The following UBE2O variants were observed in gnomAD, a reference collection of about 807,000 sequenced individuals.
UBE2O encodes the protein ubiquitin conjugating enzyme E2 O, also known as (E3-independent) E2 ubiquitin-conjugating enzyme.
In UBE2O, 15 loss-of-function variants were observed where a neutral mutation model predicts 125.8. The observed-to-expected ratio is 0.12, with a 90% CI of 0.08 to 0.18. The LOEUF is 0.18. UBE2O is among the 10% of genes least tolerant of loss of function. The pLI is 1.00. For synonymous variants in UBE2O, 708 were observed against 703.2 expected (o/e 1.01, Z -0.11); for missense variants, 1,280 against 1,723.6 (o/e 0.74, Z 4.56).
In UBE2O at chr17:76,390,914, G is replaced by C. The variant is rs367812947; in HGVS notation, c.*29C>G. ...GCAGGCGGCGGCTGGCCTCTCCCAC[G>C]GTGATGCTCTTTCCTCTGTGCCTGG... is the stretch of plus-strand genomic sequence containing the variant. On this transcript the variant is annotated 3_prime_UTR_variant, in exon 18 of 18. Coordinates refer to ENST00000319380, the MANE Select transcript of UBE2O (RefSeq NM_022066.4). 2 of 1,564,104 alleles carry C rather than the reference G, an allele frequency of 1.3e-6. No homozygotes were observed. Among genetic ancestry groups the C allele is most frequent in the Admixed American group, 3.6e-5 (2 of 54,992 alleles).
chr17:76,407,261 C>A (rs2143739868), intron 1 of UBE2O, among the ~76,000 whole-genome samples: 1 of 152,324 alleles, frequency 6.6e-6, no homozygotes, highest in South Asian at 2.1e-4. Flanking sequence ...AAAGGTCAGG[C>A]TCTCCTTATC....
intron 1 of UBE2O, among the ~76,000 whole-genome samples, chr17:76,440,073 C>G (rs1381657437): frequency 1.3e-5 from 2 of 152,076 alleles, no homozygotes; most frequent in African/African-American, 2.4e-5. Context: ...CGGCTGGGGA[C>G]AGTAAACAGG....
At chr17:76,424,091 G>C (rs1314164585) in intron 1 of UBE2O, among the ~76,000 whole-genome samples, 13 of 151,648 alleles carry the variant, frequency 8.6e-5, no homozygotes, top group African/African-American at 3.1e-4. Context: ...TGTATTTTTA[G>C]TAGAGACGGG....
Position 76,438,380 on chromosome 17 carries a change from G to C in UBE2O, c.417+14345C>G, listed in dbSNP as rs190488964. ...TACAATTAAAAAAGAAAAACTTAAA[G>C]GCTCCTCGTCGCTCTTCTGATCACC... On this transcript the variant is annotated intron_variant, in intron 1 of 17. Transcript: ENST00000319380. 5.3e-5 allele frequency among the ~76,000 whole-genome samples: 8 copies of C among 151,964 alleles called. No individual in the cohort carries two copies. In the East Asian group the frequency reaches 1.5e-3, roughly 29 times the overall value.
Position 76,405,704 on chromosome 17 carries a change from G to A in UBE2O, c.418-132C>T, listed in dbSNP as rs1332256366. 3 of 801,832 alleles carry A rather than the reference G, an allele frequency of 3.7e-6. No homozygotes were observed. Among genetic ancestry groups the A allele is most frequent in the African/African-American group, 3.4e-5 (2 of 58,160 alleles). The allele number at this position is 801,832 out of a possible 1,614,324, so 49.7% of individuals were successfully genotyped here. On this transcript the variant is annotated intron_variant, in intron 1 of 17. Coordinates refer to ENST00000319380, the MANE Select transcript of UBE2O (RefSeq NM_022066.4). The surrounding 1 kb of genome is among the most constrained non-coding windows in gnomAD (Gnocchi z 6.1). ...ACAAATCCTAAGCGTTTGGCTAGCA[G>A]TATCTTCACAGACCGCACACACCTC...
In UBE2O at chr17:76,410,009, C is replaced by T. The variant is rs1306223402; in HGVS notation, c.418-4437G>A. Among the ~76,000 whole-genome samples the T allele has an allele frequency of 2.6e-5, 4 of 152,156 alleles. No individual in the cohort carries two copies. In the Middle Eastern group the frequency reaches 0.01, roughly 388 times the overall value. On this transcript the variant is annotated intron_variant, in intron 1 of 17. Coordinates refer to ENST00000319380, the MANE Select transcript of UBE2O (RefSeq NM_022066.4). The surrounding 1 kb of genome is among the most constrained non-coding windows in gnomAD (Gnocchi z 4.0). ...TCCGAGGTGATGCTGAACCAGAGAT[C>T]GGGATGAGATGGGGAATGAGCTTAC...
chr17:76,431,038 G>T, intron 1 of UBE2O: 2 of 203,902 alleles, frequency 9.8e-6, no homozygotes, highest in South Asian at 1.5e-4. Flanking sequence ...TCAGGTGCTT[G>T]ATCTTTAGTT....
chr17:76,414,952 G>A (rs1467898491), intron 1 of UBE2O, among the ~76,000 whole-genome samples: 2 of 152,158 alleles, frequency 1.3e-5, no homozygotes, highest in East Asian at 3.9e-4. Context: ...GCATCTTTAG[G>A]AGAAGGCCGC....
At position 76,452,710 on chromosome 17, in the gene UBE2O, C is replaced by T. The variant is rs754757335; in HGVS notation, c.417+15G>A. On this transcript the variant is annotated intron_variant, in intron 1 of 17. Coordinates refer to ENST00000319380, the MANE Select transcript of UBE2O (RefSeq NM_022066.4). The surrounding 1 kb of genome is among the most constrained non-coding windows in gnomAD (Gnocchi z 4.4). ...CCCCCTGCCGCCCGCGCCGCCCAGC[C>T]CCCGCCCGCCGCACCTTGGTCTCCT... The T allele has an allele frequency of 1.2e-5, 16 of 1,384,910 alleles. No individual in the cohort carries two copies. In the South Asian group the frequency reaches 2.2e-4, roughly 19 times the overall value. The allele number at this position is 1,384,910 out of a possible 1,614,324, so 85.8% of individuals were successfully genotyped here.
In UBE2O at chr17:76,452,871, C is replaced by T. The variant is rs2073280155; in HGVS notation, c.271G>A (p.Gly91Ser). The T allele has an allele frequency of 4.7e-6, 7 of 1,504,168 alleles. No homozygotes were observed. The highest frequency in any genetic ancestry group is 6.2e-6 in the Non-Finnish European group (7 of 1,126,338). The allele number at this position is 1,504,168 out of a possible 1,614,324, so 93.2% of individuals were successfully genotyped here. A position where few individuals can be genotyped will look rare whatever the true frequency, so the allele number is the denominator to read the frequency against. ...GAGCTCCCGCGGCCCTCCTCCTCGCCCTCCGAGTCCGAGTCCTCGCCGTGG... is the reference window on the plus strand; with the variant it reads ...GAGCTCCCGCGGCCCTCCTCCTCGCTCTCCGAGTCCGAGTCCTCGCCGTGG... ...LIHGEDSDSE[G>S]EEEGRGSSGC... The change falls in exon 1 of 18, where the codon GGC becomes AGC. Residue 91 changes from glycine to serine, a missense_variant. Gly to Ser is a moderately conservative substitution (Grantham distance 56, BLOSUM62 0). Transcript: ENST00000319380. This position sits in a 1 kb window ranked among gnomAD's most constrained non-coding sequence, Gnocchi z 4.4.
Position 76,400,220 on chromosome 17 carries a change from A to G in UBE2O, c.1082T>C (p.Val361Ala). 1.2e-6 allele frequency: 2 copies of G among 1,613,866 alleles called. No homozygotes were observed. The highest frequency in any genetic ancestry group is 1.1e-5 in the South Asian group (1 of 91,070). The change falls in exon 8 of 18, where the codon GTA becomes GCA. Residue 361 changes from valine to alanine, a missense_variant. Val to Ala is a moderately conservative substitution (Grantham distance 64). Transcript: ENST00000319380. This position sits in a 1 kb window ranked among gnomAD's most constrained non-coding sequence, Gnocchi z 4.3. ...TTCCCAGGCAATCTTGGCTGGCTCT[A>G]CCTTGGCTGGGAAGACATACAGACA... ...ERCLYVFPAK[V>A]EPAKIAWECP...
At chr17:76,434,965 A>G (rs1479090242) in intron 1 of UBE2O, among the ~76,000 whole-genome samples, 4 of 152,076 alleles carry the variant, frequency 2.6e-5, no homozygotes, top group African/African-American at 9.6e-5. Flanking sequence ...GGATTCCTAC[A>G]CTATCCCCAA....
intron 1 of UBE2O, among the ~76,000 whole-genome samples, chr17:76,406,571 C>T (rs1198304207): frequency 6.7e-6 from 1 of 148,456 alleles, no homozygotes; most frequent in Non-Finnish European, 1.5e-5. Context: ...GCAATGACAA[C>T]TAAAACAAAC....
rs758674294 is a variant in UBE2O, at chr17:76,402,134, CAG to C, written c.687-9_687-8del. ...TTCCGTGTTCATGGAGCACCTAAAACAGAGAACAGAGGTTTGGTCTCCACCAG... is the reference window on the plus strand; with the variant it reads ...TTCCGTGTTCATGGAGCACCTAAAACAGAACAGAGGTTTGGTCTCCACCAG... On this transcript the variant is annotated splice_region_variant and splice_polypyrimidine_tract_variant and intron_variant, in intron 4 of 17. Coordinates refer to ENST00000319380, the MANE Select transcript of UBE2O (RefSeq NM_022066.4). The surrounding 1 kb of genome is among the most constrained non-coding windows in gnomAD (Gnocchi z 5.4). 1,128 of 1,613,230 alleles carry C rather than the reference CAG, an allele frequency of 7.0e-4. 1 individual carries two copies. The highest frequency in any genetic ancestry group is 3.6e-3 in the Middle Eastern group (22 of 6,060).
At chr17:76,423,881 C>T (rs1484809330) in intron 1 of UBE2O, among the ~76,000 whole-genome samples, 2 of 143,412 alleles carry the variant, frequency 1.4e-5, no homozygotes, top group African/African-American at 5.1e-5. Context: ...CTCTCAGCTA[C>T]TTCCAGGTTG....
intron 1 of UBE2O, among the ~76,000 whole-genome samples, chr17:76,411,300 C>T (rs1020077844): frequency 6.6e-6 from 1 of 152,202 alleles, no homozygotes; most frequent in African/African-American, 2.4e-5. Flanking sequence ...GCCGCTCCAC[C>T]TGGCCAAGAA....
intron 1 of UBE2O, among the ~76,000 whole-genome samples, chr17:76,420,857 GT>G (rs1429458883): frequency 6.6e-6 from 1 of 152,144 alleles, no homozygotes. Context: ...ACCCCAGTGA[GT>G]TGGCAGGGAC....
Position 76,452,571 on chromosome 17 carries a change from T to C in UBE2O, c.417+154A>G, listed in dbSNP as rs530919287. On this transcript the variant is annotated intron_variant, in intron 1 of 17. Coordinates refer to ENST00000319380, the MANE Select transcript of UBE2O (RefSeq NM_022066.4). The surrounding 1 kb of genome is among the most constrained non-coding windows in gnomAD (Gnocchi z 4.4). ...TGCGCCCAGAGCTGCTGCAATGACT[T>C]TGCATGGAGTGTACCCTCCACTGGG... Among the ~76,000 whole-genome samples, 76 of 152,220 alleles carry C rather than the reference T, an allele frequency of 5.0e-4. No homozygotes were observed. The Middle Eastern group carries it at 0.01, about 20-fold the overall frequency.
Position 76,391,953 on chromosome 17 carries a change from T to C in UBE2O, c.3107A>G (p.Asn1036Ser), listed in dbSNP as rs755684986. ...CAGGAGGCTGACACACACCTTCCCA[T>C]TGTCATACAGGTTGGGGTTCAGGCG... ...SGRLNPNLYD[N>S]GKVCVSLLGT... The change falls in exon 16 of 18, where the codon AAT (asparagine) becomes AGT (serine). Residue 1036 changes from asparagine (N) to serine (S), a missense_variant. Physicochemically the swap from Asn to Ser is conservative, Grantham distance 46. This residue lies in a region of UBE2O where 37 missense variants were observed against 115.6 expected (regional missense o/e 0.32). Transcript: ENST00000319380. This position sits in a 1 kb window ranked among gnomAD's most constrained non-coding sequence, Gnocchi z 8.4. 1 of 1,612,236 alleles carries C rather than the reference T, an allele frequency of 6.2e-7. No individual in the cohort carries two copies. Among genetic ancestry groups the C allele is most frequent in the South Asian group, 1.1e-5 (1 of 90,818 alleles).
Sources: gnomAD v4.1 joint callset for allele counts (sites outside exome capture counted in the v4.1 genomes callset) on GRCh38, gnomAD v4.1.1 for gene constraint, gnomAD v4.1.1 regional missense constraint, Gnocchi (gnomAD v3.1) non-coding constraint, MANE v1.5 for transcripts, NCBI Gene and HGNC (gene_info 2026-07-23, HGNC 2026-07-21) for gene names.